SETD2: variants seen among roughly 807,000 people sequenced by gnomAD.
SETD2 encodes SET domain containing 2, histone lysine methyltransferase, also known as histone-lysine N-methyltransferase SETD2.
A neutral mutation model predicts 242.1 loss-of-function variants in SETD2; 31 were observed. That is an observed-to-expected ratio of 0.13 (90% CI 0.10 to 0.17). SETD2 has a LOEUF of 0.17. Among genes scored for constraint, SETD2 ranks in the 10% least tolerant of loss-of-function variants. The pLI is 1.00. For missense variants in SETD2, 2,481 were observed against 3,046.3 expected, an observed-to-expected ratio of 0.81 and a Z score of 4.37; for synonymous variants, 1,006 against 1,066.5, an observed-to-expected ratio of 0.94 and a Z score of 1.11.
intron 5 of SETD2, among the ~76,000 whole-genome samples, chr3:47,109,088 G>A (rs1366974792): frequency 6.6e-6 from 1 of 152,106 alleles, no homozygotes; most frequent in Non-Finnish European, 1.5e-5. Context: ...CAGGGCAACA[G>A]GGCTCTACTA....
In SETD2 at chr3:47,164,095, C is replaced by G; in HGVS notation, c.-171G>C. The G allele has an allele frequency of 8.9e-7, 1 of 1,129,542 alleles. No individual in the cohort carries two copies. The highest frequency in any genetic ancestry group is 1.1e-6 in the Non-Finnish European group (1 of 902,256). 70.0% of individuals were successfully genotyped at this position (1,129,542 alleles called of 1,614,324 possible). On this transcript the variant is annotated 5_prime_UTR_variant, in exon 1 of 21. Transcript: ENST00000409792. This position sits in a 1 kb window ranked among gnomAD's most constrained non-coding sequence, Gnocchi z 5.4. ...CTCGTCGCTCCCTCCCTCCCTCGGA[C>G]GCCCGCCAGCCGCTCTCTCCCTCTC...
At chr3:47,163,195 C>G (rs1170500440) in intron 1 of SETD2, among the ~76,000 whole-genome samples, 1 of 152,200 alleles carries the variant, frequency 6.6e-6, no homozygotes, top group African/African-American at 2.4e-5. Context: ...ACACAAACCT[C>G]GCCATTACAA....
At chr3:47,045,126 G>A (rs1328556197) in intron 16 of SETD2, among the ~76,000 whole-genome samples, 2 of 152,140 alleles carry the variant, frequency 1.3e-5, no homozygotes, top group Non-Finnish European at 2.9e-5. Flanking sequence ...GGTGGCTCAC[G>A]CCTGTAATCC....
chr3:47,117,811 T>A lies in SETD2; in HGVS notation c.4455-1057A>T, dbSNP rs1056437467. Among the ~76,000 whole-genome samples, 6 of 152,342 alleles carry A rather than the reference T, an allele frequency of 3.9e-5. No individual in the cohort carries two copies. The East Asian group carries it at 1.2e-3, about 29-fold the overall frequency. On this transcript the variant is annotated intron_variant, in intron 3 of 20. Coordinates refer to ENST00000409792, the MANE Select transcript of SETD2 (RefSeq NM_014159.7). ...GTTCATAATAAGCCATGCCAGAGTGTGCAAAGCAAAAGTGAAAATGTGATT... is the reference window on the plus strand; with the variant it reads ...GTTCATAATAAGCCATGCCAGAGTGAGCAAAGCAAAAGTGAAAATGTGATT...
intron 15 of SETD2, among the ~76,000 whole-genome samples, chr3:47,056,135 TTTA>T: frequency 7.1e-6 from 1 of 140,370 alleles, no homozygotes. Flanking sequence ...TATTTATTTA[TTTA>T]TTTTGAGATG....
intron 5 of SETD2, among the ~76,000 whole-genome samples, chr3:47,106,761 G>A (rs1351950279): frequency 1.4e-5 from 2 of 147,252 alleles, no homozygotes; most frequent in Admixed American, 6.9e-5. Flanking sequence ...GCAGTGAGCC[G>A]AGATCGCGCC....
intron 4 of SETD2, among the ~76,000 whole-genome samples, chr3:47,115,346 A>AC (rs2042813106): frequency 1.3e-5 from 2 of 152,146 alleles, no homozygotes; most frequent in Non-Finnish European, 2.9e-5. Flanking sequence ...TGTATGCTTC[A>AC]CAAGGTTGGC....
At chr3:47,025,363 T>A (rs1466529443) in intron 18 of SETD2, among the ~76,000 whole-genome samples, 1 of 152,132 alleles carries the variant, frequency 6.6e-6, no homozygotes, top group East Asian at 1.9e-4. Context: ...CTATTAACAC[T>A]CTCCAATTTG....
chr3:47,086,738 T>A (rs965619224), intron 10 of SETD2, among the ~76,000 whole-genome samples: 1 of 151,894 alleles, frequency 6.6e-6, no homozygotes, highest in African/African-American at 2.4e-5. Flanking sequence ...TTTTTTTTTT[T>A]AATCATCATG....
In SETD2 at chr3:47,123,749, G is replaced by C. The variant is rs2043206161; in HGVS notation, c.887C>G (p.Ser296Cys). The change falls in exon 3 of 21, where the codon TCT becomes TGT. Residue 296 changes from serine (S) to cysteine (C), a missense_variant. Coordinates refer to ENST00000409792, the MANE Select transcript of SETD2 (RefSeq NM_014159.7). Reference sequence around the variant, plus strand: ...TTTTTTACAGCTCAGACTAATCTTAGAACTATCTGGAATTTCTTCATCCTT... The same window carrying C: ...TTTTTTACAGCTCAGACTAATCTTACAACTATCTGGAATTTCTTCATCCTT... ...IGKDEEIPDS[S>C]KISLSCKKTG... is the part of the protein sequence containing the mutation. 1 of 1,549,806 alleles carries C rather than the reference G, an allele frequency of 6.5e-7. No homozygotes were observed. The highest frequency in any genetic ancestry group is 8.7e-7 in the Non-Finnish European group (1 of 1,146,388).
intron 15 of SETD2, chr3:47,046,843 C>A: frequency 9.1e-5 from 27 of 296,090 alleles, no homozygotes; most frequent in Admixed American, 1.5e-4. Flanking sequence ...TTTACTTTAT[C>A]ATAAGAAAAT....
chr3:47,055,235 T>C (rs986080619), intron 15 of SETD2, among the ~76,000 whole-genome samples: 1 of 152,228 alleles, frequency 6.6e-6, no homozygotes, highest in Non-Finnish European at 1.5e-5. Context: ...AGCTTCATTA[T>C]GAAAATATGA....
In SETD2 at chr3:47,132,943, A is replaced by G. The variant is rs184635876; in HGVS notation, c.72-6280T>C. 4.1e-3 allele frequency among the ~76,000 whole-genome samples: 621 copies of G among 152,344 alleles called. 6 individuals are homozygous for G. Among genetic ancestry groups the G allele is most frequent in the Non-Finnish European group, 3.8e-3 (261 of 68,032 alleles). Reference sequence around the variant, plus strand: ...AATTTTAAACTTAAAACTTGTCAAAATAATTTTTAAGGTCTATAGGTTAGA... The same window carrying G: ...AATTTTAAACTTAAAACTTGTCAAAGTAATTTTTAAGGTCTATAGGTTAGA... On this transcript the variant is annotated intron_variant, in intron 1 of 20. Transcript: ENST00000409792.
intron 12 of SETD2, chr3:47,080,674 A>C: frequency 2.7e-6 from 1 of 376,910 alleles, no homozygotes; most frequent in Non-Finnish European, 3.7e-6. Context: ...AAATGAATAC[A>C]TGCTCACAAG....
chr3:47,145,515 C>A, intron 1 of SETD2: 1 of 436,630 alleles, frequency 2.3e-6, no homozygotes, highest in South Asian at 1.6e-5. Flanking sequence ...CTACCTCAGG[C>A]TCCTGAAGGG....
At chr3:47,063,157 T>C (rs1235884653) in intron 13 of SETD2, among the ~76,000 whole-genome samples, 1 of 152,334 alleles carries the variant, frequency 6.6e-6, no homozygotes, top group Admixed American at 6.5e-5. Context: ...ATATTTTCTA[T>C]GTAGATTTGG....
At chr3:47,086,417 G>T in intron 10 of SETD2, 103 bp from the exon 11 acceptor site, 2 of 1,139,326 alleles carry the variant, frequency 1.8e-6, no homozygotes, top group Non-Finnish European at 2.5e-6. Context: ...ACATTATAGG[G>T]TTCACTTACA....
At chr3:47,148,789 C>G (rs187893737) in intron 1 of SETD2, among the ~76,000 whole-genome samples, 149 of 152,234 alleles carry the variant, frequency 9.8e-4, no homozygotes, top group African/African-American at 3.4e-3. Context: ...AGGCCAGGCA[C>G]GGTGGCTCAC....
rs903381292 is a variant in SETD2, at chr3:47,037,883, T to C, written c.7239-106A>G. 41 of 795,460 alleles carry C rather than the reference T, an allele frequency of 5.2e-5. No homozygotes were observed. In the African/African-American group the frequency reaches 6.1e-4, roughly 12 times the overall value. The allele number at this position is 795,460 out of a possible 1,614,324, so 49.3% of individuals were successfully genotyped here. ...ATAAAATACAACATACAATAAGACA[T>C]AGAATAAGTCAGCTCCATGAGTTAA... On this transcript the variant is annotated intron_variant, in intron 17 of 20. Coordinates refer to ENST00000409792, the MANE Select transcript of SETD2 (RefSeq NM_014159.7).
Sources: gnomAD v4.1 joint callset for allele counts (sites outside exome capture counted in the v4.1 genomes callset) on GRCh38, gnomAD v4.1.1 for gene constraint, Gnocchi (gnomAD v3.1) non-coding constraint, MANE v1.5 for transcripts, NCBI Gene and HGNC (gene_info 2026-07-23, HGNC 2026-07-21) for gene names.